The following DGCR2 variants were observed in gnomAD, a reference collection of about 807,000 sequenced individuals.
DGCR2 encodes integral membrane protein DGCR2/IDD.
In DGCR2, 24 loss-of-function variants were observed where a neutral mutation model predicts 51.6. The observed-to-expected ratio is 0.47, with a 90% confidence interval of 0.34 to 0.65. The LOEUF is 0.65. DGCR2 is among the 30% of genes least tolerant of loss of function. The probability of loss-of-function intolerance (pLI) is 0.01; values close to 1 mark genes in which losing one functional copy is unlikely to be tolerated. For missense variants in DGCR2, 765 were observed against 772.1 expected, an observed-to-expected ratio of 0.99 and a Z score of 0.11; for synonymous variants, 340 against 315.4, an observed-to-expected ratio of 1.08 and a Z score of -0.82.
intron 6 of DGCR2, chr22:19,056,520 G>A: frequency 2.2e-6 from 1 of 457,564 alleles, no homozygotes; most frequent in South Asian, 2.7e-5. Context: ...TGAGACCCCT[G>A]TCCCCCAAAA....
chr22:19,101,333 G>T (rs1304195099), intron 1 of DGCR2, among the ~76,000 whole-genome samples: 1 of 152,100 alleles, frequency 6.6e-6, no homozygotes, highest in African/African-American at 2.4e-5. Flanking sequence ...CATGACAGAT[G>T]GGAGGATAAA....
intron 6 of DGCR2, among the ~76,000 whole-genome samples, chr22:19,050,428 T>C (rs1307333072): frequency 6.6e-6 from 1 of 152,148 alleles, no homozygotes; most frequent in Non-Finnish European, 1.5e-5. Flanking sequence ...GTGAGAGAAG[T>C]TGTTTGCAGA....
In DGCR2 at chr22:19,064,185, C is replaced by T. The variant is rs187635012; in HGVS notation, c.548+663G>A. On this transcript the variant is annotated intron_variant, in intron 4 of 9. Coordinates refer to ENST00000263196, the MANE Select transcript of DGCR2 (RefSeq NM_005137.3). ...ATGGCAGGAGCCCAGGGATGGCACA[C>T]TCTGCCCTATGCTGTGCAACCACAA... 9.9e-4 allele frequency among the ~76,000 whole-genome samples: 151 copies of T among 152,378 alleles called. 1 individual carries two copies. Among genetic ancestry groups the T allele is most frequent in the African/African-American group, 3.4e-3 (142 of 41,602 alleles).
rs576133877 is a variant in DGCR2, at chr22:19,041,783, T to C, written c.1159+24A>G. 1.8e-4 allele frequency: 297 copies of C among 1,606,670 alleles called. No homozygotes were observed. In the South Asian group the frequency reaches 3.1e-3, roughly 17 times the overall value. On this transcript the variant is annotated intron_variant, in intron 8 of 9. Coordinates refer to ENST00000263196, the MANE Select transcript of DGCR2 (RefSeq NM_005137.3). ...CCTGGGGTGGGGATGGGGACCAGGG[T>C]TGTGGCCCTCAGAGGGCACTTACAG... is the stretch of plus-strand genomic sequence containing the variant.
rs746848271 is a variant in DGCR2, at chr22:19,065,003, G to C, written c.393C>G (p.Val131=). The change falls in exon 4 of 10, where the codon GTC becomes GTG. Residue 131 remains valine (V), a synonymous_variant. Transcript: ENST00000263196. ...HYEGTASCYR[V]YLSGENYWDA... is the part of the protein sequence containing the mutation. ...CCCAGTAGTTCTCCCCGCTCAGGTAGACCCGGTAGCAGCTGGCCGTGCCTT... is the reference window on the plus strand; with the variant it reads ...CCCAGTAGTTCTCCCCGCTCAGGTACACCCGGTAGCAGCTGGCCGTGCCTT... 1.2e-6 allele frequency: 2 copies of C among 1,614,084 alleles called. No individual in the cohort carries two copies. Among genetic ancestry groups the C allele is most frequent in the Non-Finnish European group, 8.5e-7 (1 of 1,180,040 alleles).
chr22:19,096,597 AC>A (rs202233110), intron 1 of DGCR2, among the ~76,000 whole-genome samples: 5,636 of 125,586 alleles, frequency 0.045, 308 homozygotes, highest in African/African-American at 0.14. Context: ...CATAAAGTTA[AC>A]AAAAAATTTT....
At chr22:19,107,441 T>C (rs1376166965) in intron 1 of DGCR2, among the ~76,000 whole-genome samples, 4 of 152,174 alleles carry the variant, frequency 2.6e-5, no homozygotes, top group Non-Finnish European at 4.4e-5. Flanking sequence ...TAACAAGCAT[T>C]TTCTACCTCC....
At chr22:19,081,710 C>G (rs62221746) in intron 2 of DGCR2, among the ~76,000 whole-genome samples, 4 of 152,132 alleles carry the variant, frequency 2.6e-5, no homozygotes, top group Admixed American at 6.5e-5. Context: ...AATCCTGGAT[C>G]ACAGAAAATA....
In DGCR2 at chr22:19,057,207, G is replaced by C; in HGVS notation, c.626-45C>G. 6.5e-7 allele frequency: 1 copy of C among 1,540,854 alleles called. No individual in the cohort carries two copies. Among genetic ancestry groups the C allele is most frequent in the African/African-American group, 1.4e-5 (1 of 73,650 alleles). On this transcript the variant is annotated intron_variant, in intron 5 of 9. Coordinates refer to ENST00000263196, the MANE Select transcript of DGCR2 (RefSeq NM_005137.3). The surrounding 1 kb of genome is among the most constrained non-coding windows in gnomAD (Gnocchi z 5.1). ...TGGGGCTGGACAACATCACATCAGA[G>C]GACAAGCTGTGCAGTCCTCAAGGGG...
At chr22:19,060,052 C>T (rs567529221) in intron 5 of DGCR2, among the ~76,000 whole-genome samples, 10 of 152,220 alleles carry the variant, frequency 6.6e-5, no homozygotes, top group Admixed American at 5.2e-4. Context: ...TGCCCCACCA[C>T]GGTGGCAGCT....
chr22:19,106,233 A>C (rs2083260310), intron 1 of DGCR2, among the ~76,000 whole-genome samples: 1 of 152,128 alleles, frequency 6.6e-6, no homozygotes, highest in South Asian at 2.1e-4. Flanking sequence ...TGAGGCCCAA[A>C]AGAGAAAATT....
At chr22:19,108,319 C>T (rs1184074599) in intron 1 of DGCR2, among the ~76,000 whole-genome samples, 1 of 152,010 alleles carries the variant, frequency 6.6e-6, no homozygotes, top group East Asian at 1.9e-4. Flanking sequence ...ACTTGTAATC[C>T]CAACACTTTG....
chr22:19,105,337 A>G (rs1465521698), intron 1 of DGCR2, among the ~76,000 whole-genome samples: 1 of 152,202 alleles, frequency 6.6e-6, no homozygotes, highest in Non-Finnish European at 1.5e-5. Flanking sequence ...AACTAAAAAA[A>G]TAGGGAGGAC....
At chr22:19,051,414 T>G (rs2082547693) in intron 6 of DGCR2, among the ~76,000 whole-genome samples, 1 of 152,016 alleles carries the variant, frequency 6.6e-6, no homozygotes, top group African/African-American at 2.4e-5. Flanking sequence ...GTATCTAGAA[T>G]ACATAAAGAA....
At position 19,041,278 on chromosome 22, in the gene DGCR2, G is replaced by A. The variant is rs372212591; in HGVS notation, c.1176C>T (p.Leu392=). Residue 392 remains leucine, a synonymous_variant, in exon 9 of 10, where the codon CTC becomes CTT. Transcript: ENST00000263196. ...AATCAAAGCCAGGGATCCTGCGGCC[G>A]AGGTTGAAGTGGTGCACTGGGCCAT... ...LIGANLHHFN[L]GRRIPGFDYG... 3.3e-5 allele frequency: 54 copies of A among 1,614,050 alleles called. No homozygotes were observed. The Admixed American group carries it at 4.3e-4, about 13-fold the overall frequency.
intron 2 of DGCR2, among the ~76,000 whole-genome samples, chr22:19,071,127 G>A (rs1437444933): frequency 6.6e-6 from 1 of 152,214 alleles, no homozygotes; most frequent in African/African-American, 2.4e-5. Flanking sequence ...CCCAGCTGGG[G>A]ACCTGGTGCA....
chr22:19,049,770 T>C (rs1241058729), intron 6 of DGCR2, among the ~76,000 whole-genome samples: 1 of 146,756 alleles, frequency 6.8e-6, no homozygotes, highest in Non-Finnish European at 1.5e-5. Context: ...TAGGTTGCAG[T>C]GAGCAGAGAT....
At chr22:19,106,838 G>A (rs890087117) in intron 1 of DGCR2, among the ~76,000 whole-genome samples, 8 of 151,736 alleles carry the variant, frequency 5.3e-5, no homozygotes, top group African/African-American at 1.9e-4. Flanking sequence ...GTGGGGCTCT[G>A]CATTCTGACT....
intron 7 of DGCR2, among the ~76,000 whole-genome samples, chr22:19,042,835 T>C (rs60712409): frequency 0.13 from 19,140 of 152,170 alleles, 1,918 homozygotes; most frequent in African/African-American, 0.27. Flanking sequence ...TTCACAAATG[T>C]GCCTCTGCTG....
Sources: allele counts gnomAD v4.1 joint callset (sites outside exome capture counted in the v4.1 genomes callset), GRCh38; gene constraint gnomAD v4.1.1; non-coding constraint Gnocchi (gnomAD v3.1); transcripts MANE v1.5; gene names NCBI Gene and HGNC (gene_info 2026-07-23, HGNC 2026-07-21).